ZFYVE26: variants seen among roughly 807,000 people sequenced by gnomAD.
ZFYVE26 encodes the protein zinc finger FYVE-type containing 26.
A neutral mutation model predicts 276.5 loss-of-function variants in ZFYVE26; 181 were observed. The ratio of observed to expected loss-of-function variants is 0.65; its 90% CI spans 0.58 to 0.74. The LOEUF is 0.74. Ranked by LOEUF, ZFYVE26 falls within the 30% of genes least tolerant of loss-of-function variation. ZFYVE26 has a pLI of 0.00. For missense variants in ZFYVE26, 2,821 were observed against 3,097.9 expected (o/e 0.91, Z 2.12); for synonymous variants, 1,129 against 1,203.1 (o/e 0.94, Z 1.27).
chr14:67,757,801 G>A (rs1323672382), intron 35 of ZFYVE26, among the ~76,000 whole-genome samples: 2 of 151,706 alleles, frequency 1.3e-5, no homozygotes, highest in Admixed American at 6.6e-5. Flanking sequence ...TGCAACCTCC[G>A]CCTCCTGGGT....
intron 40 of ZFYVE26, 127 bp from the exon 41 acceptor site, chr14:67,751,223 C>T: frequency 9.8e-7 from 1 of 1,025,634 alleles, no homozygotes; most frequent in Non-Finnish European, 1.5e-6. Context: ...CTTTTTTTTT[C>T]TCAAAGACAT....
At chr14:67,759,736 G>C (rs1006911836) in intron 35 of ZFYVE26, among the ~76,000 whole-genome samples, 1 of 151,994 alleles carries the variant, frequency 6.6e-6, no homozygotes, top group Non-Finnish European at 1.5e-5. Context: ...GAAATAAGGA[G>C]GCCTGATCCT....
At chr14:67,770,020 GAGA>G in intron 28 of ZFYVE26, 2 of 464,018 alleles carry the variant, frequency 4.3e-6, no homozygotes, top group Non-Finnish European at 4.0e-6. Flanking sequence ...AAAAGTAGTG[GAGA>G]AGAAGTCACT....
exon 14 of ZFYVE26, chr14:67,729,452 T>C: frequency 6.8e-7 from 1 of 1,467,482 alleles, no homozygotes; most frequent in Admixed American, 1.7e-5. Context: ...GGGCTGTTCA[T>C]CCTGAGAAGC....
chr14:67,776,968 C>T (rs572123048), intron 25 of ZFYVE26, among the ~76,000 whole-genome samples: 13 of 152,334 alleles, frequency 8.5e-5, no homozygotes, highest in Middle Eastern at 3.4e-3. Flanking sequence ...CACTGGATTA[C>T]TTTTTCTAGC....
At chr14:67,732,856 C>T (rs1196079917) in intron 13 of ZFYVE26, among the ~76,000 whole-genome samples, 1 of 152,192 alleles carries the variant, frequency 6.6e-6, no homozygotes, top group African/African-American at 2.4e-5. Flanking sequence ...CCTGGGATTA[C>T]AGGTGTGAGC....
rs1167366261 is a variant in ZFYVE26, at chr14:67,786,210, G to A, written c.3043C>T (p.Leu1015=). Residue 1015 remains leucine (L), a synonymous_variant, in exon 17 of 42, where the codon CTA becomes TTA. Transcript: ENST00000347230. ...AAACCTCGAATGCCATCAGCATTTA[G>A]GAGTACGTGGTCTATCCGTCGACCT... ...RRGRRIDHVL[L]NADGIRGFPV... 6.3e-7 allele frequency: 1 copy of A among 1,591,468 alleles called. No individual in the cohort carries two copies. The highest frequency in any genetic ancestry group is 1.1e-5 in the South Asian group (1 of 90,500).
intron 20 of ZFYVE26, 128 bp downstream of exon 20, chr14:67,784,205 TA>T: frequency 2.5e-6 from 2 of 807,672 alleles, no homozygotes; most frequent in Non-Finnish European, 4.3e-6. Flanking sequence ...TATATAAGAA[TA>T]AAAAATTCAG....
chr14:67,750,951 G>A (rs1434922118), intron 41 of ZFYVE26, 101 bp downstream of exon 41: 2 of 1,421,180 alleles, frequency 1.4e-6, no homozygotes, highest in Non-Finnish European at 9.9e-7. Flanking sequence ...TGAGATACGG[G>A]TTGTATGGAA....
At chr14:67,731,538 A>G in intron 13 of ZFYVE26, among the ~76,000 whole-genome samples, 1 of 151,962 alleles carries the variant, frequency 6.6e-6, no homozygotes, top group Non-Finnish European at 1.5e-5. Flanking sequence ...TCTATTGGAC[A>G]GTTGCTACTC....
intron 32 of ZFYVE26, among the ~76,000 whole-genome samples, chr14:67,765,401 T>G (rs535244703): frequency 6.6e-6 from 1 of 152,240 alleles, no homozygotes; most frequent in African/African-American, 2.4e-5. Context: ...AGGAGGAGAC[T>G]GAGGCCTAGA....
At chr14:67,751,699 C>T (rs573623247) in intron 40 of ZFYVE26, among the ~76,000 whole-genome samples, 2 of 152,192 alleles carry the variant, frequency 1.3e-5, no homozygotes, top group Admixed American at 6.5e-5. Flanking sequence ...TGGTGAAACC[C>T]CATCTCTACT....
chr14:67,783,552 C>G, intron 20 of ZFYVE26, 27 bp from the exon 21 acceptor site: 1 of 1,608,896 alleles, frequency 6.2e-7, no homozygotes, highest in Non-Finnish European at 8.5e-7. Flanking sequence ...AGAAAGCATA[C>G]AAGGCCTGAA....
chr14:67,770,553 C>T (rs1182938929), intron 28 of ZFYVE26: 1 of 151,518 alleles, frequency 6.6e-6, no homozygotes, highest in Non-Finnish European at 1.5e-5. Flanking sequence ...TCAGTCAATT[C>T]AGAATGTCTC....
chr14:67,790,442 T>A, intron 15 of ZFYVE26, 130 bp downstream of exon 15: 1 of 1,031,026 alleles, frequency 9.7e-7, no homozygotes, highest in Admixed American at 1.9e-5. Flanking sequence ...GTTTGCTGTT[T>A]TTCAAGGCAG....
chr14:67,757,865 C>A (rs2038828951), intron 35 of ZFYVE26, among the ~76,000 whole-genome samples: 1 of 152,092 alleles, frequency 6.6e-6, no homozygotes, highest in Non-Finnish European at 1.5e-5. Context: ...CAGGCTCGTG[C>A]CACCATGCCC....
chr14:67,775,284 T>C (rs1394129931), intron 26 of ZFYVE26, among the ~76,000 whole-genome samples, 170 bp from the exon 27 acceptor site: 1 of 152,194 alleles, frequency 6.6e-6, no homozygotes, highest in Non-Finnish European at 1.5e-5. Context: ...CACGCATGTT[T>C]CTTAAACGCC....
rs766875938 is a variant in ZFYVE26 at position 67,807,864 on chromosome 14, T to A, written c.420A>T (p.Pro140=). The A allele has an allele frequency of 6.2e-7, 1 of 1,613,964 alleles. No individual in the cohort carries two copies. Among genetic ancestry groups the A allele is most frequent in the Non-Finnish European group, 8.5e-7 (1 of 1,179,902 alleles). The stretch of plus-strand genomic sequence containing the variant: ...GACGAGGAGTCCAGCTCTCCCTCCT[T>A]GGATTTCCGTCAGGCACGTGGCCTA... The part of the protein sequence containing the change: ...GAVGHVPDGN[P]RRESWTPRLS... Residue 140 remains proline, a synonymous_variant, in exon 5 of 42, where the codon CCA becomes CCT. Transcript: ENST00000347230.
chr14:67,784,514 A>G, intron 19 of ZFYVE26, 78 bp from the exon 20 acceptor site: 2 of 1,301,528 alleles, frequency 1.5e-6, no homozygotes, highest in Non-Finnish European at 2.2e-6. Context: ...AGAATTGAGA[A>G]AAAAGTACAG....
Sources: gnomAD v4.1 joint callset for allele counts (sites outside exome capture counted in the v4.1 genomes callset) on GRCh38, gnomAD v4.1.1 for gene constraint, MANE v1.5 for transcripts, NCBI Gene and HGNC (gene_info 2026-07-23, HGNC 2026-07-21) for gene names.